The following TNFRSF19 variants were observed in gnomAD, a reference collection of about 807,000 sequenced individuals.
TNFRSF19 encodes tumor necrosis factor receptor superfamily member 19.
TNFRSF19 carries 27 observed loss-of-function variants against 46.4 expected under a neutral mutation model. The observed-to-expected ratio is 0.58, with a 90% confidence interval of 0.43 to 0.80. The LOEUF (loss-of-function observed/expected upper bound fraction) is 0.80, where lower values mean the gene tolerates loss of function less well. Ranked by LOEUF, TNFRSF19 falls within the 30% of genes least tolerant of loss-of-function variation. TNFRSF19 has a pLI of 0.00. For missense variants in TNFRSF19, 511 were observed against 530.8 expected, an observed-to-expected ratio of 0.96 and a Z score of 0.37; for synonymous variants, 204 against 205.0, an observed-to-expected ratio of 1.00 and a Z score of 0.04.
chr13:23,587,566 G>A (rs928637206), intron 1 of TNFRSF19, among the ~76,000 whole-genome samples: 1 of 136,296 alleles, frequency 7.3e-6, no homozygotes, highest in African/African-American at 2.7e-5. Flanking sequence ...ATTGCATTAT[G>A]TGTCTCTCAT....
rs186182293 is a variant in TNFRSF19 at position 23,586,716 on chromosome 13, G to A, written c.-34-3434G>A. Among the ~76,000 whole-genome samples the A allele has an allele frequency of 2.6e-3, 398 of 152,350 alleles. 2 individuals are homozygous for A. The highest frequency in any genetic ancestry group is 3.1e-3 in the South Asian group (15 of 4,830). On this transcript the variant is annotated intron_variant, in intron 1 of 9. Transcript: ENST00000248484. Reference sequence around the variant, plus strand: ...CGTGTTAGTTACCATTCACTCAAATGAGCAGGCTGAGCAGCTTTGAGAAGC... The same window carrying A: ...CGTGTTAGTTACCATTCACTCAAATAAGCAGGCTGAGCAGCTTTGAGAAGC...
At chr13:23,617,234 C>T (rs779756257) in intron 4 of TNFRSF19, among the ~76,000 whole-genome samples, 10 of 152,046 alleles carry the variant, frequency 6.6e-5, no homozygotes, top group Non-Finnish European at 8.8e-5. Context: ...GAGAGGGAGG[C>T]GTGCAGTACA....
At chr13:23,575,666 T>C (rs1877907113) in intron 1 of TNFRSF19, among the ~76,000 whole-genome samples, 1 of 152,250 alleles carries the variant, frequency 6.6e-6, no homozygotes, top group African/African-American at 2.4e-5. Flanking sequence ...AAATTTTTAA[T>C]GAGAACTTAC....
rs553218457 is a variant in TNFRSF19 at position 23,642,098 on chromosome 13, A to G, written c.445+15306A>G. ...AACCATCATAAGTTGAGGATTATCT[A>G]TAACAGTGTCTATGTCTTTTATAAG... On this transcript the variant is annotated intron_variant, in intron 5 of 9. Coordinates refer to ENST00000248484, the MANE Select transcript of TNFRSF19 (RefSeq NM_148957.4). Among the ~76,000 whole-genome samples, 6 of 152,344 alleles carry G rather than the reference A, an allele frequency of 3.9e-5. No homozygotes were observed. The East Asian group carries it at 1.2e-3, about 29-fold the overall frequency.
At chr13:23,663,416 G>A (rs1440662987) in intron 7 of TNFRSF19, among the ~76,000 whole-genome samples, 1 of 152,178 alleles carries the variant, frequency 6.6e-6, no homozygotes, top group Non-Finnish European at 1.5e-5. Context: ...GATTCAGTTT[G>A]CAAGTAGTTT....
chr13:23,627,811 A>G (rs1413217195), intron 5 of TNFRSF19, among the ~76,000 whole-genome samples: 1 of 152,244 alleles, frequency 6.6e-6, no homozygotes. Context: ...ATAAGGTCAC[A>G]TAGTACTTCT....
chr13:23,647,684 C>T (rs1044351042), intron 5 of TNFRSF19, among the ~76,000 whole-genome samples: 2 of 152,174 alleles, frequency 1.3e-5, no homozygotes, highest in African/African-American at 4.8e-5. Context: ...AACCACTGTG[C>T]CCAGCCTCTT....
intron 5 of TNFRSF19, among the ~76,000 whole-genome samples, chr13:23,646,247 T>G (rs1883324647): frequency 6.6e-6 from 1 of 152,158 alleles, no homozygotes; most frequent in African/African-American, 2.4e-5. Flanking sequence ...CCCCAATCAC[T>G]TCCTATTAGC....
intron 7 of TNFRSF19, among the ~76,000 whole-genome samples, chr13:23,664,330 C>T (rs2138404534): frequency 6.6e-6 from 1 of 152,132 alleles, no homozygotes; most frequent in African/African-American, 2.4e-5. Flanking sequence ...TTAGTCTTGA[C>T]TTCTATTTTT....
intron 5 of TNFRSF19, among the ~76,000 whole-genome samples, chr13:23,651,113 TTAA>T (rs1361714043): frequency 6.6e-6 from 1 of 152,212 alleles, no homozygotes; most frequent in African/African-American, 2.4e-5. Flanking sequence ...GAGCTCTTTG[TTAA>T]TAATTTTTTA....
At chr13:23,629,512 C>T (rs1433650845) in intron 5 of TNFRSF19, among the ~76,000 whole-genome samples, 1 of 152,198 alleles carries the variant, frequency 6.6e-6, no homozygotes, top group Non-Finnish European at 1.5e-5. Flanking sequence ...ACTCCCCTCC[C>T]CAAGGGCTAG....
At chr13:23,623,170 A>G (rs776547532) in intron 4 of TNFRSF19, among the ~76,000 whole-genome samples, 4 of 151,944 alleles carry the variant, frequency 2.6e-5, no homozygotes, top group African/African-American at 4.8e-5. Context: ...GAATTTGACT[A>G]CTCTTAAGTA....
At chr13:23,661,387 G>A (rs180993230) in intron 7 of TNFRSF19, among the ~76,000 whole-genome samples, 359 of 152,276 alleles carry the variant, frequency 2.4e-3, no homozygotes, top group African/African-American at 8.4e-3. Flanking sequence ...CCTTTTTATG[G>A]CTGCATAGTA....
Position 23,673,417 on chromosome 13 carries a change from G to C in TNFRSF19, c.*37G>C, listed in dbSNP as rs1951786886. On this transcript the variant is annotated 3_prime_UTR_variant, in exon 10 of 10. Coordinates refer to ENST00000248484, the MANE Select transcript of TNFRSF19 (RefSeq NM_148957.4). ...CTTTCTGCAGTAGAAGCGTGTGCTG[G>C]AACCCAAAGAGTACTCCTTTGTTAG... is the stretch of plus-strand genomic sequence containing the variant. The C allele has an allele frequency of 6.3e-7, 1 of 1,595,716 alleles. No homozygotes were observed. The highest frequency in any genetic ancestry group is 8.6e-7 in the Non-Finnish European group (1 of 1,169,218).
intron 4 of TNFRSF19, among the ~76,000 whole-genome samples, chr13:23,624,886 G>A (rs1475135296): frequency 6.6e-6 from 1 of 151,814 alleles, no homozygotes; most frequent in Non-Finnish European, 1.5e-5. Context: ...GAATAGCTGG[G>A]ATTATAGGCG....
intron 3 of TNFRSF19, among the ~76,000 whole-genome samples, chr13:23,605,027 T>C (rs1393387664): frequency 6.6e-6 from 1 of 152,082 alleles, no homozygotes; most frequent in Non-Finnish European, 1.5e-5. Context: ...AGAATGGAAA[T>C]ACAAGCCAGA....
At chr13:23,632,355 A>C (rs1186860033) in intron 5 of TNFRSF19, among the ~76,000 whole-genome samples, 1 of 152,228 alleles carries the variant, frequency 6.6e-6, no homozygotes, top group African/African-American at 2.4e-5. Context: ...TTAAATACTT[A>C]GCTCTTTACT....
intron 4 of TNFRSF19, among the ~76,000 whole-genome samples, chr13:23,619,323 C>T (rs910098878): frequency 6.6e-6 from 1 of 152,096 alleles, no homozygotes; most frequent in Admixed American, 6.5e-5. Context: ...CCAGAATGGG[C>T]AAATCTACAG....
intron 1 of TNFRSF19, among the ~76,000 whole-genome samples, chr13:23,578,886 C>T (rs1183051271): frequency 6.6e-6 from 1 of 152,206 alleles, no homozygotes. Flanking sequence ...CGGGCTTCCC[C>T]GGGAGGCGTC....
Sources: gnomAD v4.1 joint callset for allele counts (sites outside exome capture counted in the v4.1 genomes callset) on GRCh38, gnomAD v4.1.1 for gene constraint, MANE v1.5 for transcripts, NCBI Gene and HGNC (gene_info 2026-07-23, HGNC 2026-07-21) for gene names.